Variants in SFSWAP observed in about 807,000 individuals in gnomAD.
SFSWAP encodes splicing factor, suppressor of white-apricot homolog.
SFSWAP carries 17 observed loss-of-function variants against 100.7 expected under a neutral mutation model. That is an observed-to-expected ratio of 0.17 (90% CI 0.12 to 0.25). The LOEUF is 0.25. Among genes scored for constraint, SFSWAP ranks in the 10% least tolerant of loss-of-function variants. The pLI is 1.00. For missense variants in SFSWAP, 1,005 were observed against 1,262.6 expected (o/e 0.80, Z 3.09); for synonymous variants, 504 against 510.1 (o/e 0.99, Z 0.16).
rs1885462476 is a variant in SFSWAP, at chr12:131,794,051, A to G, written c.2535-3127A>G. Among the ~76,000 whole-genome samples the G allele has an allele frequency of 6.6e-6, 1 of 152,256 alleles. No individual in the cohort carries two copies. The highest frequency in any genetic ancestry group is 1.5e-5 in the Non-Finnish European group (1 of 68,044). ...AGCTGTGAACTCCTCTATAAAGTCA[A>G]CATTTAACCAAAAACACTTTGATTC... is the stretch of plus-strand genomic sequence containing the variant. On this transcript the variant is annotated intron_variant, in intron 15 of 17. Transcript: ENST00000261674. The surrounding 1 kb of genome is among the most constrained non-coding windows in gnomAD (Gnocchi z 4.8).
chr12:131,782,084 A>G (rs1295073167), intron 14 of SFSWAP, among the ~76,000 whole-genome samples: 1 of 152,230 alleles, frequency 6.6e-6, no homozygotes, highest in African/African-American at 2.4e-5. Context: ...AGGCAGAGGC[A>G]GGAGGATTCC....
At position 131,734,374 on chromosome 12, in the gene SFSWAP, G is replaced by A. The variant is rs1879801055; in HGVS notation, c.1081+5946G>A. Among the ~76,000 whole-genome samples the A allele has an allele frequency of 6.6e-6, 1 of 152,262 alleles. No individual in the cohort carries two copies. Among genetic ancestry groups the A allele is most frequent in the African/African-American group, 2.4e-5 (1 of 41,464 alleles). On this transcript the variant is annotated intron_variant, in intron 7 of 17. Coordinates refer to ENST00000261674, the MANE Select transcript of SFSWAP (RefSeq NM_004592.4). The surrounding 1 kb of genome is among the most constrained non-coding windows in gnomAD (Gnocchi z 4.9). ...GATCTTACCCAAGAGGACTTAAAATGAATGTGCAGGAGAAATGAGAAGAGG... is the reference window on the plus strand; with the variant it reads ...GATCTTACCCAAGAGGACTTAAAATAAATGTGCAGGAGAAATGAGAAGAGG...
chr12:131,786,725 C>G (rs192984962), intron 15 of SFSWAP, 137 bp downstream of exon 15: 15 of 876,946 alleles, frequency 1.7e-5, no homozygotes, highest in Non-Finnish European at 2.6e-5. Context: ...ACCACCCCCC[C>G]ACCCCCAGTG....
chr12:131,717,360 C>T (rs1227786569), intron 3 of SFSWAP, among the ~76,000 whole-genome samples: 3 of 152,142 alleles, frequency 2.0e-5, no homozygotes, highest in African/African-American at 7.2e-5. Flanking sequence ...TTTAGATGTT[C>T]ATAATTTTTC....
chr12:131,736,687 A>C (rs1182526336), intron 7 of SFSWAP, among the ~76,000 whole-genome samples: 1 of 151,238 alleles, frequency 6.6e-6, no homozygotes, highest in South Asian at 2.1e-4. Context: ...AAAGGAGCGC[A>C]CTCATAGGCA....
intron 15 of SFSWAP, among the ~76,000 whole-genome samples, chr12:131,795,045 A>G (rs1885527311): frequency 6.6e-6 from 1 of 152,248 alleles, no homozygotes; most frequent in Non-Finnish European, 1.5e-5. Flanking sequence ...GCATGTGTTT[A>G]CAGACAACAA....
chr12:131,785,309 G>C, intron 14 of SFSWAP: 9 of 1,348,108 alleles, frequency 6.7e-6, no homozygotes, highest in Non-Finnish European at 9.1e-6. Context: ...GATTCTGTCC[G>C]TTAAAGGGCA....
chr12:131,738,352 G>A, intron 7 of SFSWAP, among the ~76,000 whole-genome samples: 1 of 152,164 alleles, frequency 6.6e-6, no homozygotes, highest in East Asian at 1.9e-4. Context: ...AACATCATTA[G>A]CAAAGTGGAA....
chr12:131,731,900 A>ATT (rs1879545417), intron 7 of SFSWAP, among the ~76,000 whole-genome samples: 5 of 77,876 alleles, frequency 6.4e-5, no homozygotes, highest in Non-Finnish European at 1.1e-4. Flanking sequence ...TTACTATTTT[A>ATT]CTTTTTTTTT....
Position 131,764,372 on chromosome 12 carries a change from G to A in SFSWAP, c.1721-84G>A, listed in dbSNP as rs558001589. 2.0e-5 allele frequency: 21 copies of A among 1,068,624 alleles called. 1 individual carries two copies. The South Asian group carries it at 3.1e-4, about 16-fold the overall frequency. 66.2% of individuals were successfully genotyped at this position (1,068,624 alleles called of 1,614,324 possible). ...CTCCATGCTAGTCATCCCCTTCCCA[G>A]CAGCCGATGCTCAGGTGGGTAGCAG... On this transcript the variant is annotated intron_variant, in intron 11 of 17. Transcript: ENST00000261674.
chr12:131,768,899 G>A (rs1883342497), intron 13 of SFSWAP, among the ~76,000 whole-genome samples: 1 of 152,142 alleles, frequency 6.6e-6, no homozygotes, highest in African/African-American at 2.4e-5. Flanking sequence ...CAAGGCGGGT[G>A]GATCGCTTGA....
intron 3 of SFSWAP, among the ~76,000 whole-genome samples, chr12:131,718,854 A>G (rs934498640): frequency 5.3e-5 from 8 of 152,214 alleles, no homozygotes; most frequent in Admixed American, 4.6e-4. Flanking sequence ...CACATGGGCT[A>G]TCTCACCTAA....
chr12:131,757,428 C>T (rs2136229132), intron 11 of SFSWAP: 1 of 152,518 alleles, frequency 6.6e-6, no homozygotes, highest in African/African-American at 2.4e-5. Flanking sequence ...GCCAGCACAT[C>T]TGACAGGCTT....
chr12:131,732,988 G>C (rs4964987), intron 7 of SFSWAP, among the ~76,000 whole-genome samples: 109,852 of 152,072 alleles, frequency 0.72, 42,057 homozygotes, highest in East Asian at 0.95. Flanking sequence ...TTCCACAGCA[G>C]CCAGTTACTT....
At chr12:131,788,688 G>C (rs1306597345) in intron 15 of SFSWAP, among the ~76,000 whole-genome samples, 1 of 151,882 alleles carries the variant, frequency 6.6e-6, no homozygotes, top group Non-Finnish European at 1.5e-5. Context: ...ACCATGCCTG[G>C]CTGGCTGCTC....
In SFSWAP at chr12:131,730,846, G is replaced by A. The variant is rs1030016361; in HGVS notation, c.1081+2418G>A. On this transcript the variant is annotated intron_variant, in intron 7 of 17. Coordinates refer to ENST00000261674, the MANE Select transcript of SFSWAP (RefSeq NM_004592.4). This position sits in a 1 kb window ranked among gnomAD's most constrained non-coding sequence, Gnocchi z 4.0. ...CTCCTCCCCTCAATACGGTGCCGTT[G>A]TTTTGAAACTCATCGTCTCCCCTCG... is the stretch of plus-strand genomic sequence containing the variant. 1.3e-5 allele frequency among the ~76,000 whole-genome samples: 2 copies of A among 152,200 alleles called. No homozygotes were observed. The highest frequency in any genetic ancestry group is 1.3e-4 in the Admixed American group (2 of 15,286).
chr12:131,753,335 G>A lies in SFSWAP; in HGVS notation c.1294G>A (p.Gly432Arg), dbSNP rs149684834. Residue 432 changes from glycine to arginine, a missense_variant, in exon 8 of 18, where the codon GGG becomes AGG. Coordinates refer to ENST00000261674, the MANE Select transcript of SFSWAP (RefSeq NM_004592.4). ...PPPTTAETSS[G>R]ATSTTTTTSA... ...CCCAACCACAGCAGAGACTAGCAGC[G>A]GGGCCACCTCCACAACCACCACCAC... is the stretch of plus-strand genomic sequence containing the variant. 271 of 1,612,446 alleles carry A rather than the reference G, an allele frequency of 1.7e-4. 3 individuals are homozygous for A. The highest frequency in any genetic ancestry group is 2.5e-4 in the Admixed American group (15 of 59,986).
chr12:131,794,615 C>CTG lies in SFSWAP; in HGVS notation c.2535-2559_2535-2558dup, dbSNP rs1199940290. On this transcript the variant is annotated intron_variant, in intron 15 of 17. Transcript: ENST00000261674. The surrounding 1 kb of genome is among the most constrained non-coding windows in gnomAD (Gnocchi z 4.8). ...GGGTTTGTCTACATAGAGCTTTAAG[C>CTG]TGTGTCCTAGAAACCAGAGCAGTGG... is the stretch of plus-strand genomic sequence containing the variant. Among the ~76,000 whole-genome samples, 1 of 152,170 alleles carries CTG rather than the reference C, an allele frequency of 6.6e-6. No individual in the cohort carries two copies. The highest frequency in any genetic ancestry group is 2.4e-5 in the African/African-American group (1 of 41,450).
Position 131,714,331 on chromosome 12 carries a change from C to T in SFSWAP, c.388+91C>T. The stretch of plus-strand genomic sequence containing the variant: ...ACTCCCATTCATTTTTTTATACTCA[C>T]TCTTTCTGATATTATCTTGACAGTA... On this transcript the variant is annotated intron_variant, in intron 2 of 17. Transcript: ENST00000261674. This position sits in a 1 kb window ranked among gnomAD's most constrained non-coding sequence, Gnocchi z 6.0. 1.9e-6 allele frequency: 2 copies of T among 1,076,570 alleles called. No homozygotes were observed. Among genetic ancestry groups the T allele is most frequent in the South Asian group, 3.2e-5 (2 of 63,070 alleles). The allele number at this position is 1,076,570 out of a possible 1,614,324, so 66.7% of individuals were successfully genotyped here. A position where few individuals can be genotyped will look rare whatever the true frequency, so the allele number is the denominator to read the frequency against.
Sources: allele counts gnomAD v4.1 joint callset (sites outside exome capture counted in the v4.1 genomes callset), GRCh38; gene constraint gnomAD v4.1.1; non-coding constraint Gnocchi (gnomAD v3.1); transcripts MANE v1.5; gene names NCBI Gene and HGNC (gene_info 2026-07-23, HGNC 2026-07-21).